ANXA4: variants seen among roughly 807,000 people sequenced by gnomAD.
The protein encoded by ANXA4 is 35-beta calcimedin.
Under a neutral mutation model 49.8 loss-of-function variants are expected in ANXA4, and 39 were observed. That is an observed-to-expected ratio of 0.78 (90% confidence interval 0.61 to 1.02). ANXA4 has a LOEUF of 1.02. Among genes scored for constraint, ANXA4 ranks in the 50% least tolerant of loss-of-function variants. The pLI is 0.00. For synonymous variants in ANXA4, 134 were observed against 152.5 expected (o/e 0.88, Z 0.89); for missense variants, 360 against 410.1 (o/e 0.88, Z 1.05).
intron 2 of ANXA4, among the ~76,000 whole-genome samples, chr2:69,664,933 T>C (rs1012500309): frequency 1.3e-5 from 2 of 152,100 alleles, no homozygotes; most frequent in Non-Finnish European, 2.9e-5. Context: ...CAAAACCCCG[T>C]GTCTACTAAA....
Position 69,820,796 on chromosome 2 carries a change from G to T in ANXA4, c.881G>T (p.Gly294Val). 5 of 1,614,056 alleles carry T rather than the reference G, an allele frequency of 3.1e-6. 1 individual carries two copies. The South Asian group carries it at 5.5e-5, about 18-fold the overall frequency. The stretch of plus-strand genomic sequence containing the variant: ...CGGGCACACTTCAAGAGACTCTATG[G>T]AAAGTCTCTGTACTCGTTCATCAAG... Reference protein sequence around the residue: ...DIRAHFKRLYGKSLYSFIKGD... With the variant: ...DIRAHFKRLYVKSLYSFIKGD... The change falls in exon 12 of 13, where the codon GGA becomes GTA. Residue 294 changes from glycine to valine, a missense_variant. Gly to Val is a moderately radical substitution (Grantham distance 109). Coordinates refer to ENST00000394295, the MANE Select transcript of ANXA4 (RefSeq NM_001153.5).
chr2:69,709,592 T>G (rs1678610849), intron 2 of ANXA4, among the ~76,000 whole-genome samples: 1 of 152,194 alleles, frequency 6.6e-6, no homozygotes, highest in Non-Finnish European at 1.5e-5. Flanking sequence ...TTTGCACATT[T>G]TAGAGTACAT....
intron 2 of ANXA4, among the ~76,000 whole-genome samples, chr2:69,786,159 G>A (rs1218900231): frequency 6.6e-6 from 1 of 152,112 alleles, no homozygotes; most frequent in Non-Finnish European, 1.5e-5. Context: ...TCTGAATCTG[G>A]TAGTCTTCCT....
chr2:69,689,971 T>G (rs1677906139), intron 2 of ANXA4, among the ~76,000 whole-genome samples: 1 of 152,170 alleles, frequency 6.6e-6, no homozygotes, highest in African/African-American at 2.4e-5. Flanking sequence ...TCTCTCTTTT[T>G]AGATAAACAG....
chr2:69,712,592 A>G (rs985239348), intron 2 of ANXA4, among the ~76,000 whole-genome samples: 2 of 152,144 alleles, frequency 1.3e-5, no homozygotes, highest in Admixed American at 1.3e-4. Context: ...CAAATTTGCA[A>G]TGGTTCTGGG....
intron 1 of ANXA4, among the ~76,000 whole-genome samples, chr2:69,770,224 A>G (rs1377726691): frequency 6.6e-6 from 1 of 152,194 alleles, no homozygotes; most frequent in Non-Finnish European, 1.5e-5. Context: ...ACTGCAATAA[A>G]ACTTCCTTTA....
At chr2:69,823,463 T>C (rs546504205) in intron 12 of ANXA4, among the ~76,000 whole-genome samples, 8 of 152,102 alleles carry the variant, frequency 5.3e-5, no homozygotes, top group African/African-American at 1.9e-4. Context: ...TCCAACTTCA[T>C]GCTGTTTATA....
At chr2:69,787,393 T>C (rs910306207) in intron 2 of ANXA4, among the ~76,000 whole-genome samples, 1 of 152,248 alleles carries the variant, frequency 6.6e-6, no homozygotes, top group African/African-American at 2.4e-5. Context: ...AATTTATTTG[T>C]CGAAGAAACT....
chr2:69,744,643 T>C (rs1670541025), intron 1 of ANXA4, among the ~76,000 whole-genome samples: 1 of 152,194 alleles, frequency 6.6e-6, no homozygotes, highest in South Asian at 2.1e-4. Flanking sequence ...TCTTATCTAA[T>C]CTTCACTTCA....
chr2:69,687,666 A>T (rs994336166), intron 2 of ANXA4, among the ~76,000 whole-genome samples: 3 of 152,044 alleles, frequency 2.0e-5, no homozygotes, highest in African/African-American at 7.2e-5. Flanking sequence ...AAAAGAGGGG[A>T]TGGGGCTGGA....
intron 3 of ANXA4, among the ~76,000 whole-genome samples, chr2:69,788,566 G>A (rs1454596797): frequency 1.3e-5 from 2 of 151,296 alleles, no homozygotes; most frequent in African/African-American, 2.4e-5. Flanking sequence ...GGCTGGGCAC[G>A]GTGGCTCACG....
At chr2:69,728,801 T>C (rs563434662) in intron 3 of ANXA4, among the ~76,000 whole-genome samples, 102 of 147,586 alleles carry the variant, frequency 6.9e-4, no homozygotes, top group African/African-American at 2.4e-3. Flanking sequence ...ATCTCTGGCA[T>C]TGATCTTTTT....
intron 12 of ANXA4, among the ~76,000 whole-genome samples, chr2:69,821,911 C>G (rs1457968499): frequency 6.6e-6 from 1 of 151,892 alleles, no homozygotes; most frequent in Non-Finnish European, 1.5e-5. Context: ...ATACTACAAA[C>G]AAGAAAAAAA....
intron 2 of ANXA4, among the ~76,000 whole-genome samples, chr2:69,656,266 TATGTATATAC>T (rs1676452656): frequency 1.5e-5 from 2 of 134,996 alleles, no homozygotes; most frequent in East Asian, 5.8e-4. Flanking sequence ...TACGTATATA[TATGTATATAC>T]GTATATATAT....
At chr2:69,774,884 ACCT>A (rs555546814) in intron 1 of ANXA4, among the ~76,000 whole-genome samples, 32 of 152,058 alleles carry the variant, frequency 2.1e-4, no homozygotes, top group African/African-American at 7.2e-4. Flanking sequence ...CTCAGGAATA[ACCT>A]CCTATGTGTC....
intron 1 of ANXA4, among the ~76,000 whole-genome samples, chr2:69,778,943 C>A (rs1273374162): frequency 2.0e-5 from 3 of 151,336 alleles, no homozygotes; most frequent in Admixed American, 6.6e-5. Context: ...ACTAAAAATA[C>A]AAAAATTAGC....
exon 2 of ANXA4, chr2:69,653,180 G>A (rs919438102): frequency 6.6e-6 from 1 of 152,184 alleles, no homozygotes; most frequent in African/African-American, 2.4e-5. Flanking sequence ...AGTAAAGGAT[G>A]TTCTACTAGA....
At chr2:69,694,321 C>T (rs1342905502) in intron 2 of ANXA4, among the ~76,000 whole-genome samples, 4 of 151,220 alleles carry the variant, frequency 2.6e-5, no homozygotes, top group Non-Finnish European at 4.4e-5. Flanking sequence ...ATACCACATC[C>T]GTTGGTGCCT....
At chr2:69,745,553 CAG>C (rs945173224) in intron 1 of ANXA4, among the ~76,000 whole-genome samples, 1 of 151,910 alleles carries the variant, frequency 6.6e-6, no homozygotes, top group Non-Finnish European at 1.5e-5. Context: ...TTTTTTGAGA[CAG>C]AGTCTTTCTC....
Sources: gnomAD v4.1 joint callset for allele counts (sites outside exome capture counted in the v4.1 genomes callset) on GRCh38, gnomAD v4.1.1 for gene constraint, MANE v1.5 for transcripts, NCBI Gene and HGNC (gene_info 2026-07-23, HGNC 2026-07-21) for gene names.